The following ABTB3 variants were observed in gnomAD, a reference collection of about 807,000 sequenced individuals.
ABTB3 encodes the protein ankyrin repeat and BTB domain containing 3.
chr12:107,573,464 C>CGATGGATGGATGGATGGATG, the ABTB3 span, among the ~76,000 whole-genome samples: 88 of 139,618 alleles, frequency 6.3e-4, 1 homozygote, highest in East Asian at 0.014. Flanking sequence ...GTGGATGAAT[C>CGATGGATGGATGGATGGATG]GATGGATGGA....
At chr12:107,657,638 G>A in the ABTB3 span, 1 of 1,614,184 alleles carries the variant, frequency 6.2e-7, no homozygotes, top group Non-Finnish European at 8.5e-7. Flanking sequence ...CGGCCAGGAT[G>A]TGCTCCAGGA....
the ABTB3 span, among the ~76,000 whole-genome samples, chr12:107,387,955 T>C: frequency 0.57 from 76,461 of 134,664 alleles, 20,760 homozygotes; most frequent in East Asian, 0.71. Flanking sequence ...TTTTCTCCTC[T>C]TCTTCTTCTT....
chr12:107,629,214 C>T, the ABTB3 span, among the ~76,000 whole-genome samples: 4 of 152,092 alleles, frequency 2.6e-5, no homozygotes, highest in African/African-American at 9.7e-5. Flanking sequence ...CCCAGGAGTT[C>T]AAGACCAGCC....
chr12:107,589,324 G>A, the ABTB3 span, among the ~76,000 whole-genome samples: 1 of 152,206 alleles, frequency 6.6e-6, no homozygotes, highest in Admixed American at 6.5e-5. Context: ...GGATATGGTT[G>A]GTAGCCCTCA....
chr12:107,464,409 C>T, the ABTB3 span, among the ~76,000 whole-genome samples: 42 of 152,232 alleles, frequency 2.8e-4, no homozygotes, highest in Non-Finnish European at 4.9e-4. Flanking sequence ...CTCCTGGGCT[C>T]AAGTGATCCT....
chr12:107,434,384 G>A, the ABTB3 span, among the ~76,000 whole-genome samples: 4 of 152,196 alleles, frequency 2.6e-5, no homozygotes, highest in African/African-American at 7.2e-5. Context: ...AAGGGCATGT[G>A]GGCGAGACAC....
the ABTB3 span, among the ~76,000 whole-genome samples, chr12:107,330,934 C>T: frequency 6.6e-6 from 1 of 152,220 alleles, no homozygotes; most frequent in African/African-American, 2.4e-5. Flanking sequence ...AACAGTTCCC[C>T]TGTGCATTCA....
At chr12:107,348,376 G>A in the ABTB3 span, among the ~76,000 whole-genome samples, 1 of 152,052 alleles carries the variant, frequency 6.6e-6, no homozygotes, top group South Asian at 2.1e-4. Context: ...ACCACCTAAT[G>A]TATATGCCAG....
At chr12:107,453,647 G>C in the ABTB3 span, among the ~76,000 whole-genome samples, 1 of 152,176 alleles carries the variant, frequency 6.6e-6, no homozygotes, top group Non-Finnish European at 1.5e-5. Flanking sequence ...TGGACTAAGA[G>C]GGCTTTAAAC....
the ABTB3 span, among the ~76,000 whole-genome samples, chr12:107,332,166 G>C: frequency 6.6e-6 from 1 of 152,202 alleles, no homozygotes; most frequent in Non-Finnish European, 1.5e-5. Context: ...GTGATCTCAC[G>C]CTCCTGACCT....
chr12:107,620,542 T>C, the ABTB3 span, among the ~76,000 whole-genome samples: 1 of 151,944 alleles, frequency 6.6e-6, no homozygotes, highest in Non-Finnish European at 1.5e-5. Flanking sequence ...GAAGGAGGAA[T>C]GGGAGGGTGG....
chr12:107,603,625 C>T, the ABTB3 span, among the ~76,000 whole-genome samples: 435 of 152,220 alleles, frequency 2.9e-3, 11 homozygotes, highest in East Asian at 0.045. Flanking sequence ...TGGAAATTTC[C>T]ATAACATTGG....
the ABTB3 span, among the ~76,000 whole-genome samples, chr12:107,366,795 G>A: frequency 6.6e-6 from 1 of 152,042 alleles, no homozygotes; most frequent in African/African-American, 2.4e-5. Flanking sequence ...GAGAAGGAAA[G>A]TGACTCCTTG....
the ABTB3 span, among the ~76,000 whole-genome samples, chr12:107,367,380 C>T: frequency 6.6e-6 from 1 of 152,050 alleles, no homozygotes; most frequent in Non-Finnish European, 1.5e-5. Flanking sequence ...TTTCCTCTTT[C>T]CTTTTTGTTT....
At chr12:107,481,052 G>A in the ABTB3 span, among the ~76,000 whole-genome samples, 10 of 152,294 alleles carry the variant, frequency 6.6e-5, no homozygotes, top group East Asian at 1.7e-3. Flanking sequence ...CTCCCCAGGG[G>A]ACAAGTGGCA....
the ABTB3 span, chr12:107,651,851 TGGCAAACACAGA>T: frequency 2.2e-6 from 3 of 1,389,192 alleles, no homozygotes; most frequent in Non-Finnish European, 3.0e-6. Flanking sequence ...GGCTTTTCCT[TGGCAAACACAGA>T]GGCAGGGCAG....
chr12:107,512,141 A>C, the ABTB3 span, among the ~76,000 whole-genome samples: 193 of 152,294 alleles, frequency 1.3e-3, 1 homozygote, highest in East Asian at 0.025. Context: ...AAATCCCCCC[A>C]AAAATGACTG....
At chr12:107,652,044 C>T in the ABTB3 span, among the ~76,000 whole-genome samples, 11 of 152,250 alleles carry the variant, frequency 7.2e-5, no homozygotes, top group Non-Finnish European at 1.0e-4. Flanking sequence ...CTCTCATGTG[C>T]ATATGACTCA....
the ABTB3 span, among the ~76,000 whole-genome samples, chr12:107,635,918 G>A: frequency 4.7e-5 from 6 of 127,094 alleles, no homozygotes; most frequent in Admixed American, 2.1e-4. Context: ...AAACATGAGG[G>A]GACATACCTG....
Sources: allele counts gnomAD v4.1 joint callset (sites outside exome capture counted in the v4.1 genomes callset), GRCh38; gene constraint gnomAD v4.1.1; transcripts MANE v1.5; gene names NCBI Gene and HGNC (gene_info 2026-07-23, HGNC 2026-07-21).